The following TAOK3 variants were observed in gnomAD, a reference collection of about 807,000 sequenced individuals.
The protein encoded by TAOK3 is serine/threonine-protein kinase TAO3.
TAOK3 carries 40 observed loss-of-function variants against 120.4 expected under a neutral mutation model. The observed-to-expected ratio is 0.33, with a 90% CI of 0.26 to 0.43. The LOEUF is 0.43. Among genes scored for constraint, TAOK3 ranks in the 20% least tolerant of loss-of-function variants. The pLI, the probability that TAOK3 is intolerant of heterozygous loss-of-function variation, is 1.00. For synonymous variants in TAOK3, 355 were observed against 387.5 expected, an observed-to-expected ratio of 0.92 and a Z score of 0.99; for missense variants, 821 against 1,112.1, an observed-to-expected ratio of 0.74 and a Z score of 3.72.
intron 19 of TAOK3, among the ~76,000 whole-genome samples, chr12:118,157,385 C>A (rs1444981623): frequency 6.6e-6 from 1 of 152,196 alleles, no homozygotes; most frequent in Admixed American, 6.5e-5. Context: ...CTTAACAAAG[C>A]CTGAAAGCCC....
chr12:118,233,715 T>C lies in TAOK3; in HGVS notation c.602A>G (p.Lys201Arg), dbSNP rs1208499260. 3.7e-6 allele frequency: 6 copies of C among 1,610,624 alleles called. No homozygotes were observed. Among genetic ancestry groups the C allele is most frequent in the Middle Eastern group, 1.7e-4 (1 of 6,050 alleles). Residue 201 changes from lysine (K) to arginine (R), a missense_variant, in exon 9 of 21, where the codon AAA becomes AGA. By Grantham distance (26) the Lys-to-Arg change is conservative. Coordinates refer to ENST00000392533, the MANE Select transcript of TAOK3 (RefSeq NM_016281.4). ...LAMDEGQYDG[K>R]VDIWSLGITC... ...GATGCCAAGTGACCAAATATCAACTTTCCCATCATACTGTCCTTCATCCAT... is the reference window on the plus strand; with the variant it reads ...GATGCCAAGTGACCAAATATCAACTCTCCCATCATACTGTCCTTCATCCAT...
chr12:118,287,627 G>GC (rs1247071996), intron 1 of TAOK3, among the ~76,000 whole-genome samples: 1 of 152,112 alleles, frequency 6.6e-6, no homozygotes, highest in Non-Finnish European at 1.5e-5. Flanking sequence ...ACTTCTCTAA[G>GC]CCTCAGTTTT....
At chr12:118,361,849 C>T (rs910375053) in intron 1 of TAOK3, among the ~76,000 whole-genome samples, 3 of 151,732 alleles carry the variant, frequency 2.0e-5, no homozygotes, top group Non-Finnish European at 4.4e-5. Flanking sequence ...GAATATTGCA[C>T]GATGTTGAGG....
chr12:118,343,154 G>T (rs958023393), intron 1 of TAOK3, among the ~76,000 whole-genome samples: 2 of 151,830 alleles, frequency 1.3e-5, no homozygotes, highest in African/African-American at 4.8e-5. Context: ...GTGGCCAGGT[G>T]CGGTGGCTCA....
chr12:118,204,807 A>G (rs1484398141), intron 11 of TAOK3, among the ~76,000 whole-genome samples: 1 of 152,212 alleles, frequency 6.6e-6, no homozygotes, highest in Non-Finnish European at 1.5e-5. Flanking sequence ...AGGCGGGCAG[A>G]TCACCTGAGA....
At chr12:118,284,610 TA>T (rs1566062548) in intron 1 of TAOK3, among the ~76,000 whole-genome samples, 1 of 152,056 alleles carries the variant, frequency 6.6e-6, no homozygotes, top group Non-Finnish European at 1.5e-5. Flanking sequence ...TGGATAGACA[TA>T]CAGGTAGAGA....
intron 3 of TAOK3, among the ~76,000 whole-genome samples, chr12:118,247,655 C>T (rs1008400241): frequency 2.0e-5 from 3 of 152,042 alleles, no homozygotes; most frequent in African/African-American, 7.2e-5. Flanking sequence ...GCTGGGATTA[C>T]AGGCGGCCAC....
chr12:118,330,206 CAGAT>C (rs1207059368), intron 1 of TAOK3, among the ~76,000 whole-genome samples: 2 of 152,190 alleles, frequency 1.3e-5, no homozygotes, highest in Admixed American at 6.5e-5. Context: ...GTCAAAGTGA[CAGAT>C]GAGAAAATAA....
chr12:118,358,088 T>C (rs1203909196), intron 1 of TAOK3, among the ~76,000 whole-genome samples: 1 of 152,182 alleles, frequency 6.6e-6, no homozygotes, highest in Non-Finnish European at 1.5e-5. Flanking sequence ...ACTAGTGAAG[T>C]TGGTAAAGAA....
chr12:118,301,333 A>G (rs934582220), intron 1 of TAOK3, among the ~76,000 whole-genome samples: 8 of 152,134 alleles, frequency 5.3e-5, no homozygotes, highest in Non-Finnish European at 1.2e-4. Context: ...CAAAACCAAA[A>G]ACTCTAGCAC....
At chr12:118,328,701 A>G (rs1288290095) in intron 1 of TAOK3, among the ~76,000 whole-genome samples, 1 of 152,216 alleles carries the variant, frequency 6.6e-6, no homozygotes, top group East Asian at 1.9e-4. Flanking sequence ...TTCAAGTGGA[A>G]GTGGGATCTC....
At chr12:118,359,992 G>A (rs1354986847) in intron 1 of TAOK3, among the ~76,000 whole-genome samples, 1 of 152,162 alleles carries the variant, frequency 6.6e-6, no homozygotes, top group African/African-American at 2.4e-5. Context: ...GTGGTCAGGC[G>A]TGGTGGCTCA....
chr12:118,263,660 C>A (rs1382048621), intron 2 of TAOK3, among the ~76,000 whole-genome samples: 2 of 151,890 alleles, frequency 1.3e-5, no homozygotes, highest in African/African-American at 4.8e-5. Context: ...ATAAGAAAAC[C>A]CAATTTTTTT....
Position 118,160,077 on chromosome 12 carries a change from C to T in TAOK3, c.2352+69G>A, listed in dbSNP as rs1565870147. On this transcript the variant is annotated intron_variant, in intron 19 of 20. Coordinates refer to ENST00000392533, the MANE Select transcript of TAOK3 (RefSeq NM_016281.4). This position sits in a 1 kb window ranked among gnomAD's most constrained non-coding sequence, Gnocchi z 4.2. ...TGTGCAAGAATCATCTTGGGAACAA[C>T]AGGCTGGATCTTGGATTTTCTTGAT... 3 of 1,269,400 alleles carry T rather than the reference C, an allele frequency of 2.4e-6. No individual in the cohort carries two copies. The highest frequency in any genetic ancestry group is 2.3e-5 in the East Asian group (1 of 43,220). The allele number at this position is 1,269,400 out of a possible 1,614,324, so 78.6% of individuals were successfully genotyped here.
intron 2 of TAOK3, among the ~76,000 whole-genome samples, chr12:118,264,977 T>A (rs1314497498): frequency 6.6e-6 from 1 of 152,012 alleles, no homozygotes; most frequent in African/African-American, 2.4e-5. Context: ...GAGGTTGCAG[T>A]GAGCAGACAT....
At chr12:118,207,808 C>G (rs1004594578) in intron 11 of TAOK3, among the ~76,000 whole-genome samples, 4 of 151,318 alleles carry the variant, frequency 2.6e-5, no homozygotes, top group African/African-American at 9.7e-5. Flanking sequence ...TGCAGTGAGA[C>G]GAGATCGCGC....
At chr12:118,231,251 T>C (rs1233155892) in intron 9 of TAOK3, among the ~76,000 whole-genome samples, 1 of 152,094 alleles carries the variant, frequency 6.6e-6, no homozygotes, top group Non-Finnish European at 1.5e-5. Context: ...ACTGTGTAGA[T>C]AGGGCAGGGG....
At chr12:118,322,240 G>A (rs1340644537) in intron 1 of TAOK3, among the ~76,000 whole-genome samples, 1 of 150,906 alleles carries the variant, frequency 6.6e-6, no homozygotes, top group Non-Finnish European at 1.5e-5. Flanking sequence ...ACTTGAACCT[G>A]GGAGGCAGAG....
chr12:118,237,967 A>T lies in TAOK3; in HGVS notation c.437+106T>A, dbSNP rs1565994459. 7.3e-6 allele frequency: 5 copies of T among 689,560 alleles called. No individual in the cohort carries two copies. In the East Asian group the frequency reaches 1.3e-4, roughly 18 times the overall value. 42.7% of individuals were successfully genotyped at this position (689,560 alleles called of 1,614,324 possible). The stretch of plus-strand genomic sequence containing the variant: ...AGAAGCAGCAATCTATTTGCTTCCC[A>T]TGAATGCTTAGGCAACCTAAAAATT... On this transcript the variant is annotated intron_variant, in intron 7 of 20. Coordinates refer to ENST00000392533, the MANE Select transcript of TAOK3 (RefSeq NM_016281.4).
Sources: gnomAD v4.1 joint callset for allele counts (sites outside exome capture counted in the v4.1 genomes callset) on GRCh38, gnomAD v4.1.1 for gene constraint, Gnocchi (gnomAD v3.1) non-coding constraint, MANE v1.5 for transcripts, NCBI Gene and HGNC (gene_info 2026-07-23, HGNC 2026-07-21) for gene names.